Variants in GPHN observed in about 807,000 individuals in gnomAD.
GPHN encodes the protein gephyrin.
A neutral mutation model predicts 95.5 loss-of-function variants in GPHN; 17 were observed. The observed-to-expected ratio is 0.18, with a 90% CI of 0.12 to 0.27. GPHN has a LOEUF of 0.27. Ranked by LOEUF, GPHN falls within the 10% of genes least tolerant of loss-of-function variation. The pLI, the probability that GPHN is intolerant of heterozygous loss-of-function variation, is 1.00. For synonymous variants in GPHN, 320 were observed against 322.5 expected (o/e 0.99, Z 0.08); for missense variants, 660 against 978.1 (o/e 0.67, Z 4.34).
Position 66,963,065 on chromosome 14 carries a change from A to G in GPHN, c.829-2126A>G, listed in dbSNP as rs554641525. 6.6e-5 allele frequency among the ~76,000 whole-genome samples: 10 copies of G among 151,980 alleles called. No individual in the cohort carries two copies. In the South Asian group the frequency reaches 1.7e-3, roughly 25 times the overall value. ...TGAATGTTACCTCAAATTGTCAGCCATCGTCTTTTGTTCTTTCACATATTC... is the reference window on the plus strand; with the variant it reads ...TGAATGTTACCTCAAATTGTCAGCCGTCGTCTTTTGTTCTTTCACATATTC... On this transcript the variant is annotated intron_variant, in intron 8 of 22. Coordinates refer to ENST00000478722, the MANE Select transcript of GPHN (RefSeq NM_020806.5).
chr14:67,345,908 T>TA, the GPHN span: 1 of 1,314,366 alleles, frequency 7.6e-7, no homozygotes, highest in Middle Eastern at 1.9e-4. Flanking sequence ...TTAATTAGAG[T>TA]AAAATATCTT....
intron 1 of GPHN, among the ~76,000 whole-genome samples, chr14:66,661,096 C>T (rs1033338062): frequency 6.6e-6 from 1 of 152,148 alleles, no homozygotes; most frequent in Non-Finnish European, 1.5e-5. Flanking sequence ...TTAGGCAGGG[C>T]GGGAGCTTGG....
chr14:66,795,812 G>A (rs1733982202), intron 3 of GPHN, among the ~76,000 whole-genome samples: 2 of 152,112 alleles, frequency 1.3e-5, no homozygotes, highest in African/African-American at 2.4e-5. Context: ...ATCCCCTCAA[G>A]CATTAATCCT....
intron 1 of GPHN, among the ~76,000 whole-genome samples, chr14:66,604,493 C>T (rs1489167342): frequency 2.0e-5 from 3 of 151,728 alleles, no homozygotes; most frequent in South Asian, 2.1e-4. Flanking sequence ...ATCCACTGAC[C>T]GAAATATTTT....
the GPHN span, among the ~76,000 whole-genome samples, chr14:67,491,054 A>G: frequency 1.3e-5 from 2 of 152,182 alleles, no homozygotes; most frequent in Admixed American, 1.3e-4. Flanking sequence ...CCCACTTCAG[A>G]TGCCAGTCAC....
intron 3 of GPHN, among the ~76,000 whole-genome samples, chr14:66,792,243 A>G (rs1285069464): frequency 1.3e-5 from 2 of 152,224 alleles, no homozygotes; most frequent in Non-Finnish European, 2.9e-5. Flanking sequence ...CTTATTTAAG[A>G]TGGAGTCACT....
intron 1 of GPHN, among the ~76,000 whole-genome samples, chr14:66,553,011 C>G (rs2059877730): frequency 6.9e-6 from 1 of 145,646 alleles, no homozygotes; most frequent in African/African-American, 2.6e-5. Flanking sequence ...TTTTTTTAGA[C>G]AAGAGTTTCG....
chr14:67,659,260 C>T, the GPHN span, among the ~76,000 whole-genome samples: 1 of 152,254 alleles, frequency 6.6e-6, no homozygotes, highest in East Asian at 1.9e-4. Context: ...GCCATCTTGA[C>T]ATTAAGGTAA....
the GPHN span, among the ~76,000 whole-genome samples, chr14:67,299,382 A>G: frequency 6.6e-6 from 1 of 152,224 alleles, no homozygotes; most frequent in Non-Finnish European, 1.5e-5. Flanking sequence ...AAGTATAATA[A>G]AAGTCCATTC....
chr14:67,200,317 T>C, the GPHN span: 1 of 659,864 alleles, frequency 1.5e-6, no homozygotes, highest in Non-Finnish European at 2.7e-6. Context: ...TGGAGCCCTC[T>C]CCCTCAGTAA....
chr14:67,342,294 CATG>C, the GPHN span, among the ~76,000 whole-genome samples: 1 of 150,870 alleles, frequency 6.6e-6, no homozygotes, highest in Non-Finnish European at 1.5e-5. Flanking sequence ...CTACTGTAAA[CATG>C]GTGGTGTATA....
chr14:66,764,566 C>G (rs1036682407), intron 2 of GPHN, among the ~76,000 whole-genome samples: 1 of 151,954 alleles, frequency 6.6e-6, no homozygotes, highest in African/African-American at 2.4e-5. Flanking sequence ...TAAACTGACT[C>G]TAGATTTTAT....
At chr14:67,376,309 G>A in the GPHN span, 2 of 928,168 alleles carry the variant, frequency 2.2e-6, no homozygotes, top group Non-Finnish European at 3.1e-6. Flanking sequence ...CTTAAAGTGA[G>A]TATTTCCCTA....
At chr14:67,572,058 C>G in the GPHN span, 1 of 1,519,322 alleles carries the variant, frequency 6.6e-7, no homozygotes, top group Non-Finnish European at 8.9e-7. Flanking sequence ...GGTGGGTGGT[C>G]AAGTCTCAGC....
At chr14:66,515,990 G>A (rs1366937267) in intron 1 of GPHN, among the ~76,000 whole-genome samples, 1 of 149,786 alleles carries the variant, frequency 6.7e-6, no homozygotes. Flanking sequence ...CTGTTTTTAT[G>A]TCAAGCCATT....
the GPHN span, chr14:67,270,125 A>T: frequency 6.6e-6 from 1 of 152,182 alleles, no homozygotes; most frequent in Admixed American, 6.5e-5. Flanking sequence ...AAATGGTTCT[A>T]TTCGTTGGTA....
chr14:67,569,678 T>G, the GPHN span: 9,216 of 552,126 alleles, frequency 0.017, 104 homozygotes, highest in Middle Eastern at 0.043. Context: ...GCAAGCCTCA[T>G]GGAGGAAAAA....
At chr14:67,323,232 CGTGTGT>C in the GPHN span, among the ~76,000 whole-genome samples, 453 of 143,424 alleles carry the variant, frequency 3.2e-3, 3 homozygotes, top group South Asian at 5.9e-3. Context: ...CATATATACA[CGTGTGT>C]GTGTGTGTGT....
At chr14:67,402,273 A>AC in the GPHN span, among the ~76,000 whole-genome samples, 1 of 152,100 alleles carries the variant, frequency 6.6e-6, no homozygotes, top group Non-Finnish European at 1.5e-5. Flanking sequence ...TTTTACTTTA[A>AC]ATTTTTTTAT....
Sources: allele counts gnomAD v4.1 joint callset (sites outside exome capture counted in the v4.1 genomes callset), GRCh38; gene constraint gnomAD v4.1.1; transcripts MANE v1.5; gene names NCBI Gene and HGNC (gene_info 2026-07-23, HGNC 2026-07-21).